CELF2: variants seen among roughly 807,000 people sequenced by gnomAD.
The protein encoded by CELF2 is CUGBP Elav-like family member 2.
CELF2 carries 8 observed loss-of-function variants against 62.6 expected under a neutral mutation model. That is an observed-to-expected ratio of 0.13 (90% CI 0.07 to 0.23). The LOEUF (loss-of-function observed/expected upper bound fraction) is 0.23. Ranked by LOEUF, CELF2 falls within the 10% of genes least tolerant of loss-of-function variation. The probability of loss-of-function intolerance (pLI) is 1.00; values close to 1 mark genes in which losing one functional copy is unlikely to be tolerated. For synonymous variants in CELF2, 258 were observed against 250.0 expected, an observed-to-expected ratio of 1.03 and a Z score of -0.30; for missense variants, 333 against 671.0, an observed-to-expected ratio of 0.50 and a Z score of 5.56.
chr10:11,199,809 T>G (rs999021014), intron 2 of CELF2, among the ~76,000 whole-genome samples: 1 of 152,208 alleles, frequency 6.6e-6, no homozygotes, highest in Non-Finnish European at 1.5e-5. Flanking sequence ...AAGCTTAGCC[T>G]AGAACAGGGA....
the CELF2 span, among the ~76,000 whole-genome samples, chr10:10,479,123 T>C: frequency 6.6e-6 from 1 of 152,178 alleles, no homozygotes. Flanking sequence ...AAGTATTCTC[T>C]TTCTCCATCT....
Position 11,269,045 on chromosome 10 carries a change from G to A in CELF2, c.619-1621G>A, listed in dbSNP as rs758640797. On this transcript the variant is annotated intron_variant, in intron 6 of 12. Transcript: ENST00000633077. This position sits in a 1 kb window ranked among gnomAD's most constrained non-coding sequence, Gnocchi z 4.4. ...TAAGGAAGAAAAAAATAGATGTTCT[G>A]TTAGGAGAGATGCTATAATTTGTTA... Among the ~76,000 whole-genome samples the A allele has an allele frequency of 3.3e-5, 5 of 152,130 alleles. No homozygotes were observed. The highest frequency in any genetic ancestry group is 6.5e-5 in the Admixed American group (1 of 15,272).
intron 1 of CELF2, among the ~76,000 whole-genome samples, chr10:10,808,453 C>T (rs981285543): frequency 2.0e-5 from 3 of 151,784 alleles, no homozygotes; most frequent in African/African-American, 7.3e-5. Context: ...TTTCAAAGGC[C>T]CTTGGGAAAT....
chr10:11,248,714 A>G (rs921632594), intron 3 of CELF2, among the ~76,000 whole-genome samples: 2 of 152,216 alleles, frequency 1.3e-5, no homozygotes, highest in African/African-American at 4.8e-5. Context: ...AGCACTTTAC[A>G]TGCATTTTCT....
chr10:10,560,574 T>C, the CELF2 span, among the ~76,000 whole-genome samples: 3 of 152,098 alleles, frequency 2.0e-5, no homozygotes, highest in Non-Finnish European at 4.4e-5. Flanking sequence ...CTGGTGTGAA[T>C]GCAAACTAGT....
chr10:10,968,133 G>A (rs544785558), intron 2 of CELF2, among the ~76,000 whole-genome samples: 4 of 148,798 alleles, frequency 2.7e-5, no homozygotes, highest in South Asian at 2.1e-4. Context: ...TCAACAAAAC[G>A]CACAGGGTTG....
the CELF2 span, among the ~76,000 whole-genome samples, chr10:10,511,276 T>G: frequency 6.6e-6 from 1 of 152,096 alleles, no homozygotes; most frequent in Admixed American, 6.5e-5. Context: ...CTGGGCATGG[T>G]GGTGGTCACC....
At chr10:11,200,783 A>G (rs540085833) in intron 2 of CELF2, among the ~76,000 whole-genome samples, 1 of 152,356 alleles carries the variant, frequency 6.6e-6, no homozygotes, top group South Asian at 2.1e-4. Context: ...CCTGCTAGCA[A>G]AAGGAAGGGA....
rs1048164935 is a variant in CELF2, at chr10:11,244,449, C to G, written c.355-4704C>G. On this transcript the variant is annotated intron_variant, in intron 3 of 12. Transcript: ENST00000633077. This position sits in a 1 kb window ranked among gnomAD's most constrained non-coding sequence, Gnocchi z 4.2. Reference sequence around the variant, plus strand: ...TGGGTGGATCCCAAGGTCAGGAGATCGAGACCATCGTGGCTAACATGGTGA... The same window carrying G: ...TGGGTGGATCCCAAGGTCAGGAGATGGAGACCATCGTGGCTAACATGGTGA... Among the ~76,000 whole-genome samples the G allele has an allele frequency of 6.6e-6, 1 of 152,040 alleles. No homozygotes were observed. Among genetic ancestry groups the G allele is most frequent in the Non-Finnish European group, 1.5e-5 (1 of 68,002 alleles).
intron 1 of CELF2, among the ~76,000 whole-genome samples, chr10:11,150,759 A>G (rs943034295): frequency 1.3e-5 from 2 of 152,188 alleles, no homozygotes; most frequent in Admixed American, 1.3e-4. Flanking sequence ...TATTTCTCTC[A>G]CATGTGGAGC....
the CELF2 span, among the ~76,000 whole-genome samples, chr10:10,533,818 G>A: frequency 6.6e-6 from 1 of 152,310 alleles, no homozygotes; most frequent in African/African-American, 2.4e-5. Flanking sequence ...GCAAGTAGTA[G>A]AGAATTGGAG....
Position 10,909,872 on chromosome 10 carries a change from T to C in CELF2, c.54-10092T>C, listed in dbSNP as rs372498338. ...TCATGAAAGAGGGGGCTCATGTTTATAAAGTTTCCTGTCTAATAATATCCA... is the reference window on the plus strand; with the variant it reads ...TCATGAAAGAGGGGGCTCATGTTTACAAAGTTTCCTGTCTAATAATATCCA... On this transcript the variant is annotated intron_variant, in intron 1 of 13. Coordinates refer to the CELF2 transcript ENST00000636488. 4.6e-5 allele frequency among the ~76,000 whole-genome samples: 7 copies of C among 152,234 alleles called. No homozygotes were observed. The East Asian group carries it at 1.2e-3, about 25-fold the overall frequency.
chr10:10,916,197 C>G (rs1473837230), intron 1 of CELF2, among the ~76,000 whole-genome samples: 3 of 152,146 alleles, frequency 2.0e-5, no homozygotes, highest in Non-Finnish European at 2.9e-5. Flanking sequence ...TAAAAACAAA[C>G]AAATGGTCAC....
At chr10:10,671,976 T>C in the CELF2 span, among the ~76,000 whole-genome samples, 1 of 152,168 alleles carries the variant, frequency 6.6e-6, no homozygotes, top group African/African-American at 2.4e-5. Flanking sequence ...GTACTCCACC[T>C]GCCTCAGCTT....
At chr10:11,152,396 A>G (rs746505660) in intron 1 of CELF2, among the ~76,000 whole-genome samples, 2 of 152,104 alleles carry the variant, frequency 1.3e-5, no homozygotes, top group African/African-American at 2.4e-5. Flanking sequence ...GTAGGTTCTC[A>G]GGAAACAGTT....
rs956534398 is a variant in CELF2 at position 11,204,211 on chromosome 10, G to A, written c.272-13214G>A. Reference sequence around the variant, plus strand: ...GAAGAAAAGAAGCTAACCTCTTTTCGGTATTTTCTTTGTGCCAGATTCTGG... The same window carrying A: ...GAAGAAAAGAAGCTAACCTCTTTTCAGTATTTTCTTTGTGCCAGATTCTGG... On this transcript the variant is annotated intron_variant, in intron 2 of 12. Transcript: ENST00000633077. 5.9e-5 allele frequency among the ~76,000 whole-genome samples: 9 copies of A among 152,098 alleles called. No homozygotes were observed. In the South Asian group the frequency reaches 1.0e-3, roughly 18 times the overall value.
chr10:10,708,047 C>A, the CELF2 span, among the ~76,000 whole-genome samples: 5 of 152,264 alleles, frequency 3.3e-5, no homozygotes, highest in Non-Finnish European at 5.9e-5. Flanking sequence ...CAGTTAGTAT[C>A]TTCATATAAA....
chr10:10,824,450 T>C (rs149436185), intron 1 of CELF2, among the ~76,000 whole-genome samples: 2 of 152,260 alleles, frequency 1.3e-5, no homozygotes, highest in Non-Finnish European at 2.9e-5. Context: ...CAACCAAGAC[T>C]CTGCAGAGAA....
At chr10:11,205,787 C>T (rs927589786) in intron 2 of CELF2, among the ~76,000 whole-genome samples, 1 of 152,280 alleles carries the variant, frequency 6.6e-6, no homozygotes, top group East Asian at 1.9e-4. Flanking sequence ...CTCTGATCTC[C>T]GTACACATGA....
Sources: allele counts gnomAD v4.1 joint callset (sites outside exome capture counted in the v4.1 genomes callset), GRCh38; gene constraint gnomAD v4.1.1; non-coding constraint Gnocchi (gnomAD v3.1); transcripts MANE v1.5; gene names NCBI Gene and HGNC (gene_info 2026-07-23, HGNC 2026-07-21).